SLF1: variants seen among roughly 807,000 people sequenced by gnomAD.
SLF1 encodes the protein SMC5/6 complex localization factor 1, also known as SMC5-SMC6 complex localization factor protein 1.
A neutral mutation model predicts 123.0 loss-of-function variants in SLF1; 105 were observed. The ratio of observed to expected loss-of-function variants is 0.85; its 90% CI spans 0.73 to 1.00. SLF1 has a LOEUF of 1.00. Among genes scored for constraint, SLF1 ranks in the 50% least tolerant of loss-of-function variants. The pLI is 0.00. For missense variants in SLF1, 1,239 were observed against 1,223.0 expected (o/e 1.01, Z -0.20); for synonymous variants, 434 against 406.6 (o/e 1.07, Z -0.81).
At chr5:94,676,412 G>A (rs1035295711) in intron 14 of SLF1, among the ~76,000 whole-genome samples, 2 of 152,098 alleles carry the variant, frequency 1.3e-5, no homozygotes, top group African/African-American at 4.8e-5. Context: ...CTACTGATGT[G>A]GTCAGACCTG....
At position 94,630,662 on chromosome 5, in the gene SLF1, G is replaced by A. The variant is rs544115651; in HGVS notation, c.350G>A (p.Arg117His). 1.1e-5 allele frequency: 17 copies of A among 1,551,686 alleles called. No individual in the cohort carries two copies. The South Asian group carries it at 1.9e-4, about 17-fold the overall frequency. Residue 117 changes from arginine to histidine, a missense_variant, in exon 4 of 21, where the codon CGC becomes CAC. Arg to His is a conservative substitution (Grantham distance 29). Transcript: ENST00000265140. ...APKRWREELKRTGAPGAFHRW... is the reference protein window; with the variant it reads ...APKRWREELKHTGAPGAFHRW... Reference sequence around the variant, plus strand: ...AAAAGATGGCGTGAAGAACTGAAACGCACTGGTGCTCCAGGAGCCTTCCAC... The same window carrying A: ...AAAAGATGGCGTGAAGAACTGAAACACACTGGTGCTCCAGGAGCCTTCCAC...
chr5:94,675,382 T>G (rs1412967485), intron 14 of SLF1, among the ~76,000 whole-genome samples: 1 of 152,228 alleles, frequency 6.6e-6, no homozygotes, highest in African/African-American at 2.4e-5. Context: ...TCGTGTTCTC[T>G]TCTGTCAGCT....
At chr5:94,643,188 C>A in intron 4 of SLF1, 85 bp from the exon 5 acceptor site, 1 of 1,107,760 alleles carries the variant, frequency 9.0e-7, no homozygotes, top group Non-Finnish European at 1.3e-6. Flanking sequence ...TCCATTCGTA[C>A]TCCTAAGAAA....
At chr5:94,657,885 T>A (rs1748599760) in intron 9 of SLF1, among the ~76,000 whole-genome samples, 1 of 152,092 alleles carries the variant, frequency 6.6e-6, no homozygotes. Flanking sequence ...TGGTTTCCGT[T>A]CTTGTGGAAT....
Position 94,629,157 on chromosome 5 carries a change from T to C in SLF1, c.180T>C (p.Ala60=). 1 of 1,548,080 alleles carries C rather than the reference T, an allele frequency of 6.5e-7. No homozygotes were observed. The highest frequency in any genetic ancestry group is 8.7e-7 in the Non-Finnish European group (1 of 1,145,590). Residue 60 remains alanine, a synonymous_variant, in exon 3 of 21, where the codon GCT becomes GCC. Coordinates refer to ENST00000265140, the MANE Select transcript of SLF1 (RefSeq NM_032290.4). ...RLCKSEKFLA[A]CAAGKWILTK... ...GTAAGAGTGAAAAATTTTTAGCAGC[T>C]TGTGCGGCAGGTAAGTTAACTGTCT...
intron 4 of SLF1, among the ~76,000 whole-genome samples, chr5:94,637,489 A>G (rs747995513): frequency 6.6e-6 from 1 of 152,098 alleles, no homozygotes; most frequent in Non-Finnish European, 1.5e-5. Flanking sequence ...GGTACTACCA[A>G]TATTTGAGAT....
intron 1 of SLF1, among the ~76,000 whole-genome samples, chr5:94,619,368 C>A (rs1352728390): frequency 6.6e-6 from 1 of 152,012 alleles, no homozygotes; most frequent in African/African-American, 2.4e-5. Flanking sequence ...TACACACATA[C>A]ACTTTTCGCT....
intron 8 of SLF1, among the ~76,000 whole-genome samples, chr5:94,654,128 C>G (rs1748090959): frequency 6.6e-6 from 1 of 152,024 alleles, no homozygotes; most frequent in African/African-American, 2.4e-5. Flanking sequence ...CAAGATTGCA[C>G]CACTGCACTC....
chr5:94,637,345 G>C (rs1019221394), intron 4 of SLF1, among the ~76,000 whole-genome samples: 9 of 152,088 alleles, frequency 5.9e-5, no homozygotes, highest in African/African-American at 2.2e-4. Context: ...CATTGATTTT[G>C]GAGAGGGGAT....
chr5:94,648,431 A>G (rs1020764084), intron 5 of SLF1, among the ~76,000 whole-genome samples: 3 of 152,154 alleles, frequency 2.0e-5, no homozygotes, highest in Admixed American at 6.5e-5. Context: ...ATTGTTCCCT[A>G]GGAAGACTGT....
At chr5:94,667,360 A>C (rs1749897212) in intron 12 of SLF1, among the ~76,000 whole-genome samples, 1 of 152,190 alleles carries the variant, frequency 6.6e-6, no homozygotes, top group Admixed American at 6.5e-5. Flanking sequence ...CATAATTTCC[A>C]AATCTATTCC....
chr5:94,623,895 C>T (rs993485747), intron 1 of SLF1, among the ~76,000 whole-genome samples: 5 of 152,076 alleles, frequency 3.3e-5, no homozygotes, highest in African/African-American at 1.2e-4. Context: ...TCTATTCCTA[C>T]ATATATAGTT....
At chr5:94,663,630 G>A in intron 10 of SLF1, 120 bp from the exon 11 acceptor site, 1 of 901,960 alleles carries the variant, frequency 1.1e-6, no homozygotes, top group Non-Finnish European at 1.6e-6. Context: ...GGGTAACAGA[G>A]TGAGACTCCG....
At chr5:94,676,770 G>C (rs1751117844) in intron 14 of SLF1, among the ~76,000 whole-genome samples, 1 of 152,222 alleles carries the variant, frequency 6.6e-6, no homozygotes, top group African/African-American at 2.4e-5. Flanking sequence ...GTTCTGGCAA[G>C]CTGGTTTTAT....
At chr5:94,646,503 T>C (rs1747076286) in intron 5 of SLF1, among the ~76,000 whole-genome samples, 1 of 152,218 alleles carries the variant, frequency 6.6e-6, no homozygotes, top group Non-Finnish European at 1.5e-5. Flanking sequence ...GCAATTCATA[T>C]GAATCGTGCA....
intron 11 of SLF1, among the ~76,000 whole-genome samples, chr5:94,665,221 C>T (rs1304718663): frequency 6.6e-6 from 1 of 151,164 alleles, no homozygotes; most frequent in African/African-American, 2.4e-5. Context: ...GCCGAGGCCT[C>T]CCAAATACAG....
chr5:94,628,964 A>G, intron 2 of SLF1, 40 bp downstream of exon 2: 1 of 1,450,378 alleles, frequency 6.9e-7, no homozygotes, highest in Non-Finnish European at 9.3e-7. Flanking sequence ...TATTTGAAAA[A>G]TAACTACAAT....
Position 94,670,136 on chromosome 5 carries a change from G to T in SLF1, c.1533-15G>T. The T allele has an allele frequency of 2.0e-6, 3 of 1,526,810 alleles. No individual in the cohort carries two copies. Among genetic ancestry groups the T allele is most frequent in the Non-Finnish European group, 2.6e-6 (3 of 1,136,494 alleles). 94.6% of individuals were successfully genotyped at this position (1,526,810 alleles called of 1,614,324 possible). A position where few individuals can be genotyped will look rare whatever the true frequency, so the allele number is the denominator to read the frequency against. ...TTGCTTGTATGTTATAGATTTTTGGGTTCATGTTTTTCAGGTCTTGCCTTT... is the reference window on the plus strand; with the variant it reads ...TTGCTTGTATGTTATAGATTTTTGGTTTCATGTTTTTCAGGTCTTGCCTTT... On this transcript the variant is annotated splice_polypyrimidine_tract_variant and intron_variant, in intron 12 of 20. Transcript: ENST00000265140.
At position 94,629,043 on chromosome 5, in the gene SLF1, A is replaced by G. The variant is rs981579423; in HGVS notation, c.115-49A>G. On this transcript the variant is annotated intron_variant, in intron 2 of 20. Coordinates refer to ENST00000265140, the MANE Select transcript of SLF1 (RefSeq NM_032290.4). ...TAGCAATAAAAAGGATGTGTCATAA[A>G]GGGAGTCTTACTTTAGTAACATTTC... The G allele has an allele frequency of 2.0e-6, 3 of 1,476,156 alleles. No homozygotes were observed. The African/African-American group carries it at 4.2e-5, about 21-fold the overall frequency. The allele number at this position is 1,476,156 out of a possible 1,614,324, so 91.4% of individuals were successfully genotyped here.
Sources: gnomAD v4.1 joint callset for allele counts (sites outside exome capture counted in the v4.1 genomes callset) on GRCh38, gnomAD v4.1.1 for gene constraint, MANE v1.5 for transcripts, NCBI Gene and HGNC (gene_info 2026-07-23, HGNC 2026-07-21) for gene names.